Variants in SEMA7A observed in about 807,000 individuals in gnomAD.
SEMA7A encodes semaphorin 7A (JohnMiltonHagen blood group).
In SEMA7A, 21 loss-of-function variants were observed where a neutral mutation model predicts 67.5. The observed-to-expected ratio is 0.31, with a 90% CI of 0.22 to 0.45. The LOEUF is 0.45. Ranked by LOEUF, SEMA7A falls within the 20% of genes least tolerant of loss-of-function variation. The pLI is 1.00. For synonymous variants in SEMA7A, 364 were observed against 368.5 expected (o/e 0.99, Z 0.14); for missense variants, 774 against 908.6 (o/e 0.85, Z 1.90).
chr15:74,417,718 G>A (rs767944957), intron 4 of SEMA7A, 43 bp from the exon 5 acceptor site: 14 of 1,571,440 alleles, frequency 8.9e-6, no homozygotes, highest in African/African-American at 8.1e-5. Context: ...TAATCCCACA[G>A]CCACTGCCTC....
chr15:74,428,778 A>T (rs1273756804), intron 1 of SEMA7A, among the ~76,000 whole-genome samples: 2 of 152,176 alleles, frequency 1.3e-5, no homozygotes, highest in African/African-American at 4.8e-5. Flanking sequence ...GAGGCTGGGC[A>T]CAGATCTGGA....
rs1217386789 is a variant in SEMA7A at position 74,410,585 on chromosome 15, G to C, written c.*39C>G. The C allele has an allele frequency of 1.3e-6, 2 of 1,543,310 alleles. No individual in the cohort carries two copies. The highest frequency in any genetic ancestry group is 4.5e-5 in the East Asian group (2 of 44,228). ...GAGTGTGAGACGTTCTAGTGCCCTG[G>C]GCTGCAGAAGCCTGAGGCATGCCCA... On this transcript the variant is annotated 3_prime_UTR_variant, in exon 14 of 14. Transcript: ENST00000261918. The surrounding 1 kb of genome is among the most constrained non-coding windows in gnomAD (Gnocchi z 7.5).
At chr15:74,424,214 G>A (rs1376670852) in intron 1 of SEMA7A, among the ~76,000 whole-genome samples, 1 of 152,138 alleles carries the variant, frequency 6.6e-6, no homozygotes, top group Non-Finnish European at 1.5e-5. Context: ...CGGTGATTGG[G>A]GCTGGGCCTT....
In SEMA7A at chr15:74,414,289, CAGA is replaced by C. The variant is rs2060926516; in HGVS notation, c.1294+255_1294+257del. Among the ~76,000 whole-genome samples, 1 of 152,150 alleles carries C rather than the reference CAGA, an allele frequency of 6.6e-6. No individual in the cohort carries two copies. Among genetic ancestry groups the C allele is most frequent in the Non-Finnish European group, 1.5e-5 (1 of 68,034 alleles). On this transcript the variant is annotated intron_variant, in intron 10 of 13. Coordinates refer to ENST00000261918, the MANE Select transcript of SEMA7A (RefSeq NM_003612.5). This position sits in a 1 kb window ranked among gnomAD's most constrained non-coding sequence, Gnocchi z 4.1. ...GACCAAAGGTGCACCTGGCTTTGCT[CAGA>C]CTCTCCAGATTTCCGCCTCCAAATC...
chr15:74,428,676 G>A (rs1839119332), intron 1 of SEMA7A, among the ~76,000 whole-genome samples: 1 of 152,186 alleles, frequency 6.6e-6, no homozygotes, highest in African/African-American at 2.4e-5. Flanking sequence ...AGGAGGCAGT[G>A]GGGCCAGGCC....
chr15:74,424,728 G>A (rs960476185), intron 1 of SEMA7A, among the ~76,000 whole-genome samples: 1 of 152,170 alleles, frequency 6.6e-6, no homozygotes, highest in African/African-American at 2.4e-5. Flanking sequence ...GGGAAGGAAG[G>A]CTGGCACTGA....
intron 1 of SEMA7A, among the ~76,000 whole-genome samples, chr15:74,433,280 G>A (rs1298485233): frequency 6.6e-6 from 1 of 151,546 alleles, no homozygotes; most frequent in Non-Finnish European, 1.5e-5. Flanking sequence ...GCGGCGGCAA[G>A]GGGTCCGCGC....
At chr15:74,412,134 G>T in intron 10 of SEMA7A, 122 bp from the exon 11 acceptor site, 1 of 1,200,178 alleles carries the variant, frequency 8.3e-7, no homozygotes, top group Non-Finnish European at 1.2e-6. Flanking sequence ...ACTGGTGTGG[G>T]CAGGGCGAGG....
rs1417792270 is a variant in SEMA7A at position 74,411,844 on chromosome 15, G to A, written c.1422+41C>T. 6.2e-7 allele frequency: 1 copy of A among 1,610,950 alleles called. No homozygotes were observed. Among genetic ancestry groups the A allele is most frequent in the South Asian group, 1.1e-5 (1 of 90,870 alleles). ...CAAAGGAGCCCTGTCCTCAGCTGCA[G>A]TCACTGCATAGCCCATGGGACGCAG... On this transcript the variant is annotated intron_variant, in intron 11 of 13. Transcript: ENST00000261918. The surrounding 1 kb of genome is among the most constrained non-coding windows in gnomAD (Gnocchi z 4.4).
chr15:74,409,494 C>A lies in SEMA7A; in HGVS notation c.*1130G>T, dbSNP rs2060880388. 6.6e-6 allele frequency: 1 copy of A among 152,272 alleles called. No homozygotes were observed. The highest frequency in any genetic ancestry group is 6.5e-5 in the Admixed American group (1 of 15,288). The allele number at this position is 152,272 out of a possible 1,614,324, so 9.4% of individuals were successfully genotyped here. ...GCCTGGAGAGCTCGGCCCAGGCCAT[C>A]CCCACCGGAATTTTCACAGTTTAGC... On this transcript the variant is annotated 3_prime_UTR_variant, in exon 14 of 14. Transcript: ENST00000261918.
At chr15:74,430,532 C>T (rs1465917783) in intron 1 of SEMA7A, among the ~76,000 whole-genome samples, 2 of 152,224 alleles carry the variant, frequency 1.3e-5, no homozygotes, top group African/African-American at 4.8e-5. Flanking sequence ...TCCCCTATAC[C>T]ATGGTCATCA....
rs767432607 is a variant in SEMA7A, at chr15:74,411,589, T to C, written c.1544A>G (p.Gln515Arg). 19 of 1,590,440 alleles carry C rather than the reference T, an allele frequency of 1.2e-5. No homozygotes were observed. The South Asian group carries it at 2.2e-4, about 18-fold the overall frequency. Reference protein sequence around the residue: ...MSRDPYCGWDQGRCISIYSSE... With the variant: ...MSRDPYCGWDRGRCISIYSSE... ...GCTGTAGATGGAGATGCAGCGGCCT[T>C]GGTCCCAGCCGCAGTAGGGGTCTCG... Residue 515 changes from glutamine to arginine, a missense_variant, in exon 12 of 14, where the codon CAA becomes CGA. Gln to Arg is a conservative substitution (Grantham distance 43). Transcript: ENST00000261918. The surrounding 1 kb of genome is among the most constrained non-coding windows in gnomAD (Gnocchi z 4.4).
At chr15:74,431,870 C>T (rs1330347725) in intron 1 of SEMA7A, among the ~76,000 whole-genome samples, 2 of 152,160 alleles carry the variant, frequency 1.3e-5, no homozygotes, top group Non-Finnish European at 2.9e-5. Flanking sequence ...GGTTGGCAGA[C>T]CCCAGCCAGC....
chr15:74,411,474 C>T lies in SEMA7A; in HGVS notation c.1577+82G>A, dbSNP rs759387368. The T allele has an allele frequency of 1.3e-5, 20 of 1,543,664 alleles. No individual in the cohort carries two copies. Among genetic ancestry groups the T allele is most frequent in the African/African-American group, 2.7e-5 (2 of 72,984 alleles). ...GGGTCCCACAAGAAAGGCCCAGTACCGCCACCTCCTCCAGCCCGACAACAC... is the reference window on the plus strand; with the variant it reads ...GGGTCCCACAAGAAAGGCCCAGTACTGCCACCTCCTCCAGCCCGACAACAC... On this transcript the variant is annotated intron_variant, in intron 12 of 13. Coordinates refer to ENST00000261918, the MANE Select transcript of SEMA7A (RefSeq NM_003612.5). The surrounding 1 kb of genome is among the most constrained non-coding windows in gnomAD (Gnocchi z 4.4).
chr15:74,432,834 G>A (rs897277651), intron 1 of SEMA7A, among the ~76,000 whole-genome samples: 7 of 152,032 alleles, frequency 4.6e-5, no homozygotes, highest in African/African-American at 1.7e-4. Flanking sequence ...ATGCAGGGGA[G>A]GGGAGATCAG....
rs2060927541 is a variant in SEMA7A at position 74,414,429 on chromosome 15, G to T, written c.1294+118C>A. On this transcript the variant is annotated intron_variant, in intron 10 of 13. Coordinates refer to ENST00000261918, the MANE Select transcript of SEMA7A (RefSeq NM_003612.5). This position sits in a 1 kb window ranked among gnomAD's most constrained non-coding sequence, Gnocchi z 4.1. ...CACACATTAACCCCTGACAACTCCA[G>T]TCACTCAATTATTCCTTCCACATGT... 1.9e-6 allele frequency: 2 copies of T among 1,080,400 alleles called. No homozygotes were observed. The highest frequency in any genetic ancestry group is 4.7e-5 in the East Asian group (2 of 42,132). The allele number at this position is 1,080,400 out of a possible 1,614,324, so 66.9% of individuals were successfully genotyped here.
At chr15:74,427,824 C>T (rs2061055535) in intron 1 of SEMA7A, among the ~76,000 whole-genome samples, 1 of 152,206 alleles carries the variant, frequency 6.6e-6, no homozygotes, top group Non-Finnish European at 1.5e-5. Flanking sequence ...CAGGGGTCCG[C>T]CCTACTTCAC....
rs763499343 is a variant in SEMA7A, at chr15:74,416,557, C to T, written c.801+18G>A. The T allele has an allele frequency of 9.3e-6, 15 of 1,612,324 alleles. No individual in the cohort carries two copies. The African/African-American group carries it at 1.9e-4, about 20-fold the overall frequency. ...CATGCACAGACACGTAGCCAGCAGC[C>T]CTCACGCCCCTGCTCACCCTGCACA... On this transcript the variant is annotated intron_variant, in intron 7 of 13. Coordinates refer to ENST00000261918, the MANE Select transcript of SEMA7A (RefSeq NM_003612.5).
intron 1 of SEMA7A, among the ~76,000 whole-genome samples, chr15:74,430,554 C>T (rs558094391): frequency 4.6e-5 from 7 of 152,228 alleles, no homozygotes; most frequent in African/African-American, 1.7e-4. Context: ...TGGACCTGTG[C>T]CAGCGTCCAT....
Sources: gnomAD v4.1 joint callset for allele counts (sites outside exome capture counted in the v4.1 genomes callset) on GRCh38, gnomAD v4.1.1 for gene constraint, Gnocchi (gnomAD v3.1) non-coding constraint, MANE v1.5 for transcripts, NCBI Gene and HGNC (gene_info 2026-07-23, HGNC 2026-07-21) for gene names.